The following MMP16 variants were observed in gnomAD, a reference collection of about 807,000 sequenced individuals.
The protein encoded by MMP16 is matrix metalloproteinase-16.
In MMP16, 12 loss-of-function variants were observed where a neutral mutation model predicts 67.8. The observed-to-expected ratio is 0.18, with a 90% CI of 0.11 to 0.29. The LOEUF (loss-of-function observed/expected upper bound fraction) is 0.29, where lower values mean the gene tolerates loss of function less well. Among genes scored for constraint, MMP16 ranks in the 10% least tolerant of loss-of-function variants. The pLI is 1.00. For missense variants in MMP16, 475 were observed against 765.7 expected (o/e 0.62, Z 4.48); for synonymous variants, 249 against 255.9 (o/e 0.97, Z 0.26).
intron 6 of MMP16, among the ~76,000 whole-genome samples, chr8:88,088,909 A>C (rs1265735974): frequency 6.6e-6 from 1 of 152,086 alleles, no homozygotes; most frequent in Non-Finnish European, 1.5e-5. Flanking sequence ...ATACAAAAGC[A>C]ATTGGAGAAA....
chr8:88,234,871 C>A (rs1485533825), intron 1 of MMP16, among the ~76,000 whole-genome samples: 3 of 152,178 alleles, frequency 2.0e-5, no homozygotes, highest in East Asian at 3.9e-4. Flanking sequence ...AATAAGTTTA[C>A]AACATTACCC....
At position 88,042,688 on chromosome 8, in the gene MMP16, G is replaced by C. The variant is rs186009246; in HGVS notation, c.1490-893C>G. ...AGGAGGTGGGATGTGGGAGGCTCAAGTAACTCAGCAATACATGCAATTTAT... is the reference window on the plus strand; with the variant it reads ...AGGAGGTGGGATGTGGGAGGCTCAACTAACTCAGCAATACATGCAATTTAT... On this transcript the variant is annotated intron_variant, in intron 9 of 9. Coordinates refer to ENST00000286614, the MANE Select transcript of MMP16 (RefSeq NM_005941.5). Among the ~76,000 whole-genome samples, 134 of 152,226 alleles carry C rather than the reference G, an allele frequency of 8.8e-4. 1 individual carries two copies. Among genetic ancestry groups the C allele is most frequent in the African/African-American group, 3.1e-3 (127 of 41,542 alleles).
At chr8:88,276,464 C>T (rs1810650791) in intron 1 of MMP16, among the ~76,000 whole-genome samples, 1 of 152,064 alleles carries the variant, frequency 6.6e-6, no homozygotes. Context: ...CACTCAAATG[C>T]ATTGCTTTGT....
At chr8:88,112,935 C>A (rs1809362947) in intron 6 of MMP16, among the ~76,000 whole-genome samples, 1 of 151,692 alleles carries the variant, frequency 6.6e-6, no homozygotes. Flanking sequence ...GCTTAAAAAT[C>A]ACACATACAG....
chr8:88,237,516 C>T (rs34409795), intron 1 of MMP16, among the ~76,000 whole-genome samples: 29,566 of 151,804 alleles, frequency 0.19, 3,904 homozygotes, highest in East Asian at 0.51. Context: ...GGCGTAGTGG[C>T]GGGTGCCTGT....
At chr8:88,265,303 G>A (rs1302734591) in intron 1 of MMP16, among the ~76,000 whole-genome samples, 3 of 139,126 alleles carry the variant, frequency 2.2e-5, no homozygotes, top group Non-Finnish European at 3.0e-5. Flanking sequence ...TGGCAGAAAT[G>A]TGGTTTCCAT....
intron 1 of MMP16, among the ~76,000 whole-genome samples, chr8:88,213,604 T>G (rs534064464): frequency 6.6e-6 from 1 of 152,128 alleles, no homozygotes; most frequent in African/African-American, 2.4e-5. Flanking sequence ...TGATCAGTTA[T>G]AAGATCAATT....
chr8:88,145,256 C>G (rs1456316285), intron 4 of MMP16, among the ~76,000 whole-genome samples: 1 of 151,912 alleles, frequency 6.6e-6, no homozygotes, highest in African/African-American at 2.4e-5. Flanking sequence ...CAAACCTGAA[C>G]AGCCATGTTC....
intron 8 of MMP16, among the ~76,000 whole-genome samples, chr8:88,055,499 C>G (rs750330906): frequency 2.0e-5 from 3 of 152,188 alleles, no homozygotes; most frequent in South Asian, 2.1e-4. Context: ...TGAGCCAACA[C>G]GCCCAGCCTT....
intron 1 of MMP16, among the ~76,000 whole-genome samples, chr8:88,309,183 A>T (rs1237654209): frequency 6.6e-6 from 1 of 152,036 alleles, no homozygotes; most frequent in Non-Finnish European, 1.5e-5. Context: ...GTACTTAGAT[A>T]AGTACACTGC....
intron 1 of MMP16, among the ~76,000 whole-genome samples, chr8:88,211,029 G>A (rs1009823009): frequency 1.1e-4 from 16 of 152,298 alleles, no homozygotes; most frequent in African/African-American, 3.6e-4. Flanking sequence ...GCTACAGAAT[G>A]AGTAGGCAAT....
intron 4 of MMP16, among the ~76,000 whole-genome samples, chr8:88,141,793 C>T (rs1441433429): frequency 6.6e-6 from 1 of 152,098 alleles, no homozygotes; most frequent in African/African-American, 2.4e-5. Flanking sequence ...CTCTGCATTT[C>T]TGAAAAACAA....
chr8:88,077,658 T>G (rs1443444403), intron 6 of MMP16, among the ~76,000 whole-genome samples: 1 of 152,234 alleles, frequency 6.6e-6, no homozygotes, highest in Non-Finnish European at 1.5e-5. Context: ...AATAAATTTC[T>G]TTAAAGAAAA....
intron 4 of MMP16, among the ~76,000 whole-genome samples, chr8:88,141,387 T>C (rs1808208172): frequency 6.6e-6 from 1 of 152,188 alleles, no homozygotes; most frequent in Admixed American, 6.5e-5. Flanking sequence ...TTTTATCTAT[T>C]AGATTGGTCA....
chr8:88,306,633 A>T (rs1811215587), intron 1 of MMP16, among the ~76,000 whole-genome samples: 1 of 152,220 alleles, frequency 6.6e-6, no homozygotes, highest in Admixed American at 6.5e-5. Flanking sequence ...ATATATGCAA[A>T]TCAGTAAATG....
chr8:88,062,872 A>C (rs1808417741), intron 7 of MMP16, among the ~76,000 whole-genome samples: 1 of 152,118 alleles, frequency 6.6e-6, no homozygotes, highest in Admixed American at 6.6e-5. Context: ...TTTTCAGTTA[A>C]GTATGTAAGA....
intron 6 of MMP16, among the ~76,000 whole-genome samples, chr8:88,106,099 C>T (rs953538646): frequency 2.7e-5 from 4 of 148,848 alleles, no homozygotes; most frequent in Admixed American, 6.7e-5. Context: ...AGATTAAAAT[C>T]ACCTAAATTG....
At chr8:88,282,466 G>T (rs1810757233) in intron 1 of MMP16, among the ~76,000 whole-genome samples, 1 of 152,218 alleles carries the variant, frequency 6.6e-6, no homozygotes, top group Non-Finnish European at 1.5e-5. Context: ...TGAGGGTTCT[G>T]TAGGAATACT....
chr8:88,163,626 T>C (rs754199881), intron 4 of MMP16, among the ~76,000 whole-genome samples: 1 of 152,084 alleles, frequency 6.6e-6, no homozygotes, highest in Non-Finnish European at 1.5e-5. Context: ...CTTCTGTAGA[T>C]GCTTGTCTAA....
Sources: gnomAD v4.1 joint callset for allele counts (sites outside exome capture counted in the v4.1 genomes callset) on GRCh38, gnomAD v4.1.1 for gene constraint, MANE v1.5 for transcripts, NCBI Gene and HGNC (gene_info 2026-07-23, HGNC 2026-07-21) for gene names.